Variants in FAM107B observed in about 807,000 individuals in gnomAD.
FAM107B encodes protein FAM107B.
In FAM107B, 21 loss-of-function variants were observed where a neutral mutation model predicts 31.5. The observed-to-expected ratio is 0.67, with a 90% confidence interval of 0.47 to 0.96. FAM107B has a LOEUF of 0.96. Among genes scored for constraint, FAM107B ranks in the 40% least tolerant of loss-of-function variants. The pLI is 0.00. For synonymous variants in FAM107B, 157 were observed against 141.5 expected (o/e 1.11, Z -0.78); for missense variants, 452 against 377.1 (o/e 1.20, Z -1.64).
chr10:14,756,129 G>A (rs1417468417), intron 1 of FAM107B, among the ~76,000 whole-genome samples: 1 of 152,092 alleles, frequency 6.6e-6, no homozygotes, highest in Non-Finnish European at 1.5e-5. Context: ...TTAAAGGATG[G>A]ATCAATAAAA....
intron 1 of FAM107B, among the ~76,000 whole-genome samples, chr10:14,712,027 G>C (rs1855661132): frequency 6.6e-6 from 1 of 152,184 alleles, no homozygotes; most frequent in African/African-American, 2.4e-5. Context: ...AGTAGTCTAA[G>C]GCTTAAACCT....
chr10:14,604,584 G>C (rs1376662415), intron 2 of FAM107B, among the ~76,000 whole-genome samples: 2 of 151,814 alleles, frequency 1.3e-5, no homozygotes, highest in Non-Finnish European at 2.9e-5. Flanking sequence ...ACCAGCCGGG[G>C]CTGCAGCGCT....
At chr10:14,532,128 G>A (rs1015818540) in intron 2 of FAM107B, among the ~76,000 whole-genome samples, 1 of 152,200 alleles carries the variant, frequency 6.6e-6, no homozygotes, top group Non-Finnish European at 1.5e-5. Flanking sequence ...AGTGGAAAAG[G>A]CTTCTAGTTC....
intron 1 of FAM107B, among the ~76,000 whole-genome samples, chr10:14,720,920 G>A (rs748687464): frequency 3.0e-4 from 46 of 152,070 alleles, no homozygotes; most frequent in African/African-American, 7.7e-4. Context: ...AGGTATACGC[G>A]TGCCATGTTG....
intron 1 of FAM107B, among the ~76,000 whole-genome samples, chr10:14,747,751 G>C (rs961465909): frequency 6.6e-6 from 1 of 152,220 alleles, no homozygotes; most frequent in South Asian, 2.1e-4. Flanking sequence ...GGCAACCCCT[G>C]TTGGGGGTGT....
chr10:14,740,762 C>T (rs1856418111), intron 1 of FAM107B, among the ~76,000 whole-genome samples: 1 of 152,088 alleles, frequency 6.6e-6, no homozygotes, highest in Non-Finnish European at 1.5e-5. Flanking sequence ...CCTATAAACC[C>T]AAAACTGCTC....
intron 1 of FAM107B, among the ~76,000 whole-genome samples, chr10:14,675,773 T>C (rs889857133): frequency 1.3e-5 from 2 of 152,142 alleles, no homozygotes; most frequent in African/African-American, 4.8e-5. Context: ...TCAAAGGACA[T>C]AGGTGTCTTT....
intron 1 of FAM107B, among the ~76,000 whole-genome samples, chr10:14,765,816 A>G (rs1190323502): frequency 2.0e-5 from 3 of 152,168 alleles, no homozygotes; most frequent in Non-Finnish European, 4.4e-5. Flanking sequence ...GCCCATAGGG[A>G]AAGGTAGGGA....
rs972625684 is a variant in FAM107B at position 14,555,204 on chromosome 10, C to T, written c.470-24689G>A. 5.7e-5 allele frequency among the ~76,000 whole-genome samples: 3 copies of T among 52,534 alleles called. No homozygotes were observed. In the East Asian group the frequency reaches 2.7e-3, roughly 48 times the overall value. The allele number at this position is 52,534 out of a possible 152,430, so 34.5% of individuals were successfully genotyped here. A position where few individuals can be genotyped will look rare whatever the true frequency, so the allele number is the denominator to read the frequency against. ...ATAATCTTGACTTGGAGAAAAGCAC[C>T]CATAAAGCCTAAATGACATAAATTG... On this transcript the variant is annotated intron_variant, in intron 2 of 4. Coordinates refer to ENST00000181796, the MANE Select transcript of FAM107B (RefSeq NM_031453.4).
intron 1 of FAM107B, among the ~76,000 whole-genome samples, chr10:14,687,610 T>C (rs2131503723): frequency 8.2e-6 from 1 of 122,334 alleles, no homozygotes; most frequent in Non-Finnish European, 1.6e-5. Context: ...CAGGAAAACA[T>C]AGCAAGAGAA....
intron 2 of FAM107B, among the ~76,000 whole-genome samples, chr10:14,626,542 C>T (rs976185863): frequency 7.6e-6 from 1 of 131,552 alleles, no homozygotes; most frequent in South Asian, 2.4e-4. Flanking sequence ...CTCGCTCTGT[C>T]GCCCAGGCTG....
intron 2 of FAM107B, chr10:14,572,436 C>T (rs1588622186): frequency 2.0e-6 from 2 of 982,764 alleles, no homozygotes; most frequent in Middle Eastern, 1.0e-3. Context: ...CTTCTTAGAG[C>T]ATCACCACAA....
chr10:14,749,907 A>G (rs1270611596), intron 1 of FAM107B, among the ~76,000 whole-genome samples: 1 of 152,230 alleles, frequency 6.6e-6, no homozygotes, highest in East Asian at 1.9e-4. Context: ...AAGGTCAGAA[A>G]CAGGGAAGGA....
At chr10:14,644,649 A>T (rs1325505882) in intron 2 of FAM107B, among the ~76,000 whole-genome samples, 5 of 152,238 alleles carry the variant, frequency 3.3e-5, no homozygotes, top group Admixed American at 3.3e-4. Flanking sequence ...CTTTACCCAT[A>T]AAGTGAAAAT....
chr10:14,583,740 T>C (rs1350364080), intron 2 of FAM107B, among the ~76,000 whole-genome samples: 1 of 151,958 alleles, frequency 6.6e-6, no homozygotes, highest in Admixed American at 6.6e-5. Context: ...GGAAGGAAAC[T>C]ACAGGGAAAA....
chr10:14,723,136 C>G, intron 1 of FAM107B: 1 of 441,872 alleles, frequency 2.3e-6, no homozygotes, highest in South Asian at 1.7e-5. Context: ...AGACTTGTGT[C>G]CACGTTGCTT....
chr10:14,626,877 C>A (rs527522361), intron 2 of FAM107B, among the ~76,000 whole-genome samples: 1 of 152,204 alleles, frequency 6.6e-6, no homozygotes, highest in East Asian at 1.9e-4. Context: ...TGTCGATGGC[C>A]TCTGATTTAG....
chr10:14,595,570 C>T (rs537586485), intron 2 of FAM107B, among the ~76,000 whole-genome samples: 5 of 152,060 alleles, frequency 3.3e-5, no homozygotes, highest in South Asian at 2.1e-4. Flanking sequence ...GGACCACAGG[C>T]GTGCACCACC....
chr10:14,757,446 C>A (rs1020455114), intron 1 of FAM107B, among the ~76,000 whole-genome samples: 2 of 152,128 alleles, frequency 1.3e-5, no homozygotes, highest in Non-Finnish European at 2.9e-5. Flanking sequence ...GTATCTCTCT[C>A]TCTCTCTGTT....
Sources: gnomAD v4.1 joint callset for allele counts (sites outside exome capture counted in the v4.1 genomes callset) on GRCh38, gnomAD v4.1.1 for gene constraint, MANE v1.5 for transcripts, NCBI Gene and HGNC (gene_info 2026-07-23, HGNC 2026-07-21) for gene names.